LRRC4C: variants seen among roughly 807,000 people sequenced by gnomAD.
LRRC4C encodes the protein leucine-rich repeat-containing protein 4C.
In LRRC4C, 5 loss-of-function variants were observed where a neutral mutation model predicts 33.6. The ratio of observed to expected loss-of-function variants is 0.15; its 90% CI spans 0.08 to 0.31. LRRC4C has a LOEUF of 0.31. Ranked by LOEUF, LRRC4C falls within the 10% of genes least tolerant of loss-of-function variation. The pLI, the probability that LRRC4C is intolerant of heterozygous loss-of-function variation, is 1.00. For missense variants in LRRC4C, 560 were observed against 796.7 expected (o/e 0.70, Z 3.58); for synonymous variants, 329 against 302.0 (o/e 1.09, Z -0.93).
chr11:40,830,716 C>T (rs942428726), intron 2 of LRRC4C, among the ~76,000 whole-genome samples: 5 of 152,002 alleles, frequency 3.3e-5, no homozygotes, highest in Admixed American at 2.6e-4. Context: ...CCATATGGGG[C>T]GGATTCATCT....
At chr11:40,117,974 G>C (rs1855554453) in intron 6 of LRRC4C, among the ~76,000 whole-genome samples, 1 of 149,754 alleles carries the variant, frequency 6.7e-6, no homozygotes, top group South Asian at 2.1e-4. Context: ...TTATATGATA[G>C]ATATGGTTAT....
intron 2 of LRRC4C, among the ~76,000 whole-genome samples, chr11:40,895,442 A>C (rs1221672725): frequency 6.6e-6 from 1 of 152,144 alleles, no homozygotes; most frequent in Non-Finnish European, 1.5e-5. Context: ...TGAGTACTAA[A>C]CATCCTATCG....
At chr11:40,910,548 A>T (rs1404742565) in intron 2 of LRRC4C, among the ~76,000 whole-genome samples, 1 of 152,226 alleles carries the variant, frequency 6.6e-6, no homozygotes, top group East Asian at 1.9e-4. Context: ...ATTCATTAAA[A>T]ATTCAGAAAG....
At chr11:41,327,372 C>G (rs1043680793) in intron 1 of LRRC4C, among the ~76,000 whole-genome samples, 1 of 152,122 alleles carries the variant, frequency 6.6e-6, no homozygotes, top group African/African-American at 2.4e-5. Flanking sequence ...CAACTTTCTA[C>G]CTTCCTTTGA....
intron 1 of LRRC4C, among the ~76,000 whole-genome samples, chr11:41,229,014 G>A (rs906939377): frequency 6.6e-6 from 1 of 152,034 alleles, no homozygotes; most frequent in African/African-American, 2.4e-5. Context: ...AGTTCTGGGG[G>A]TGTAAATTCT....
chr11:41,262,753 T>G (rs1035566815), intron 1 of LRRC4C, among the ~76,000 whole-genome samples: 2 of 152,156 alleles, frequency 1.3e-5, no homozygotes, highest in African/African-American at 4.8e-5. Flanking sequence ...AAATAATAGC[T>G]TCTGTGTACC....
chr11:40,439,185 C>T (rs1273282093), intron 3 of LRRC4C, among the ~76,000 whole-genome samples: 2 of 151,454 alleles, frequency 1.3e-5, no homozygotes, highest in Non-Finnish European at 2.9e-5. Context: ...TGTGATCCAC[C>T]CACCTTGGCC....
intron 3 of LRRC4C, among the ~76,000 whole-genome samples, chr11:40,394,518 T>C (rs1408319333): frequency 6.6e-6 from 1 of 152,132 alleles, no homozygotes; most frequent in African/African-American, 2.4e-5. Context: ...TGACCTCAGA[T>C]TGCTGCTCAG....
intron 1 of LRRC4C, among the ~76,000 whole-genome samples, chr11:40,954,032 G>A (rs748984744): frequency 1.6e-4 from 25 of 151,852 alleles, no homozygotes; most frequent in Non-Finnish European, 2.9e-4. Context: ...TAACACAGGT[G>A]AGAAAGCAGC....
At chr11:40,514,698 G>T (rs1207419220) in intron 3 of LRRC4C, among the ~76,000 whole-genome samples, 2 of 151,752 alleles carry the variant, frequency 1.3e-5, no homozygotes, top group Non-Finnish European at 2.9e-5. Context: ...TCCCTTATAT[G>T]TTGTTGTGTA....
At chr11:40,329,737 C>CTTTTTTTTTTTTTTT (rs199598860) in intron 3 of LRRC4C, among the ~76,000 whole-genome samples, 5 of 120,410 alleles carry the variant, frequency 4.2e-5, no homozygotes, top group Non-Finnish European at 7.0e-5. Flanking sequence ...CTTTCTTTTT[C>CTTTTTTTTTTTTTTT]TTTTTTTTTT....
chr11:40,868,903 T>A (rs1284450712), intron 2 of LRRC4C, among the ~76,000 whole-genome samples: 1 of 152,200 alleles, frequency 6.6e-6, no homozygotes, highest in East Asian at 1.9e-4. Flanking sequence ...AACCTTTTGT[T>A]ATTCTCTGAG....
At chr11:41,194,197 C>G (rs144823688) in intron 1 of LRRC4C, among the ~76,000 whole-genome samples, 397 of 152,228 alleles carry the variant, frequency 2.6e-3, no homozygotes, top group Non-Finnish European at 4.4e-3. Flanking sequence ...AGTACTATAA[C>G]ATACAAAATA....
intron 2 of LRRC4C, among the ~76,000 whole-genome samples, chr11:40,730,121 A>G (rs1176062803): frequency 6.6e-6 from 1 of 152,048 alleles, no homozygotes; most frequent in African/African-American, 2.4e-5. Context: ...TGGGGGGGGC[A>G]GGGATAGCAT....
rs527456323 is a variant in LRRC4C, at chr11:40,376,398, A to G, written c.-269-56677T>C. On this transcript the variant is annotated intron_variant, in intron 3 of 6. Transcript: ENST00000528697. ...AACACAGAAAAGAGTTGAACAGAGC[A>G]GAGACGACATCTGTTAGAATTTTGT... 7.9e-5 allele frequency among the ~76,000 whole-genome samples: 12 copies of G among 152,316 alleles called. No homozygotes were observed. The South Asian group carries it at 2.5e-3, about 32-fold the overall frequency.
rs181081212 is a variant in LRRC4C, at chr11:41,285,974, C to T, written c.-496+173457G>A. ...CCTCCCGAGTAGCTGGGACTACAGG[C>T]ACGTGCCACCACACCTGGCTAATTT... is the stretch of plus-strand genomic sequence containing the variant. On this transcript the variant is annotated intron_variant, in intron 1 of 6. Coordinates refer to ENST00000528697, the MANE Select transcript of LRRC4C (RefSeq NM_001258419.2). Among the ~76,000 whole-genome samples, 478 of 152,080 alleles carry T rather than the reference C, an allele frequency of 3.1e-3. 1 individual carries two copies. The highest frequency in any genetic ancestry group is 5.1e-3 in the Non-Finnish European group (347 of 67,966).
At chr11:40,422,565 A>T (rs1950557484) in intron 3 of LRRC4C, among the ~76,000 whole-genome samples, 1 of 152,112 alleles carries the variant, frequency 6.6e-6, no homozygotes, top group Non-Finnish European at 1.5e-5. Flanking sequence ...TTTGCTAGTA[A>T]TTTCAACTTG....
intron 1 of LRRC4C, among the ~76,000 whole-genome samples, chr11:41,316,280 C>CAAAAAA (rs796848005): frequency 1.1e-5 from 1 of 90,656 alleles, no homozygotes; most frequent in East Asian, 3.2e-4. Flanking sequence ...AAAAAAAAAA[C>CAAAAAA]AAAAAAAAAC....
intron 6 of LRRC4C, among the ~76,000 whole-genome samples, chr11:40,120,539 G>A (rs1032732509): frequency 6.6e-6 from 1 of 151,986 alleles, no homozygotes; most frequent in Non-Finnish European, 1.5e-5. Context: ...ATGTTATTAA[G>A]GTTATTGGGC....
Sources: allele counts gnomAD v4.1 joint callset (sites outside exome capture counted in the v4.1 genomes callset), GRCh38; gene constraint gnomAD v4.1.1; transcripts MANE v1.5; gene names NCBI Gene and HGNC (gene_info 2026-07-23, HGNC 2026-07-21).